MYO19: variants seen among roughly 807,000 people sequenced by gnomAD.
MYO19 encodes myosin XIX, also known as unconventional myosin-XIX.
A neutral mutation model predicts 129.2 loss-of-function variants in MYO19; 132 were observed. That is an observed-to-expected ratio of 1.02 (90% CI 0.89 to 1.18). MYO19 has a LOEUF of 1.18. Among genes scored for constraint, MYO19 ranks in the 50% most tolerant of loss-of-function variants. The pLI is 0.00. For synonymous variants in MYO19, 531 were observed against 477.2 expected, an observed-to-expected ratio of 1.11 and a Z score of -1.47; for missense variants, 1,210 against 1,216.7, an observed-to-expected ratio of 0.99 and a Z score of 0.08.
At chr17:36,542,486 T>C (rs2074202236) in intron 1 of MYO19, among the ~76,000 whole-genome samples, 1 of 151,870 alleles carries the variant, frequency 6.6e-6, no homozygotes, top group Non-Finnish European at 1.5e-5. Flanking sequence ...GATCAAGAGG[T>C]CAGGAGATCA....
intron 9 of MYO19, among the ~76,000 whole-genome samples, 152 bp downstream of exon 9, chr17:36,514,294 G>T (rs1347601440): frequency 3.9e-5 from 6 of 152,224 alleles, no homozygotes; most frequent in African/African-American, 1.4e-4. Flanking sequence ...AGGCAGAAGT[G>T]CTGCATGTAA....
intron 14 of MYO19, chr17:36,508,221 C>G (rs879657376): frequency 1.0e-4 from 27 of 264,004 alleles, no homozygotes; most frequent in Non-Finnish European, 1.4e-4. Flanking sequence ...TTCTCTGGTT[C>G]TGATAGGCAC....
At chr17:36,538,484 G>T (rs1261088858), upstream of MYO19, 3 of 1,613,980 alleles carry the variant, frequency 1.9e-6, no homozygotes, top group Non-Finnish European at 2.5e-6. Flanking sequence ...CAACTGGCCT[G>T]ATCAACCTGA....
intron 23 of MYO19, 199 bp from the exon 24 acceptor site, chr17:36,499,359 C>G (rs1444154006): frequency 1.4e-5 from 6 of 421,946 alleles, no homozygotes; most frequent in Non-Finnish European, 2.3e-5. Context: ...ACTGCCCACA[C>G]ACTTGAATAC....
chr17:36,516,521 C>T (rs901308794), intron 6 of MYO19, among the ~76,000 whole-genome samples: 2 of 152,154 alleles, frequency 1.3e-5, no homozygotes, highest in Non-Finnish European at 2.9e-5. Context: ...CAGGCGCACG[C>T]CACCACGCCT....
chr17:36,503,876 G>A, intron 20 of MYO19, 74 bp downstream of exon 20: 1 of 1,256,180 alleles, frequency 8.0e-7, no homozygotes, highest in African/African-American at 1.5e-5. Context: ...GGGTTGGGCA[G>A]GCTCTTGCCC....
intron 9 of MYO19, among the ~76,000 whole-genome samples, chr17:36,514,213 C>G (rs892363872): frequency 6.6e-6 from 1 of 152,164 alleles, no homozygotes; most frequent in African/African-American, 2.4e-5. Context: ...CCTCAAGGAC[C>G]TTCTGGTCTG....
chr17:36,511,365 A>T lies in MYO19; in HGVS notation c.985T>A (p.Tyr329Asn). 1 of 1,572,924 alleles carries T rather than the reference A, an allele frequency of 6.4e-7. No homozygotes were observed. The highest frequency in any genetic ancestry group is 8.6e-7 in the Non-Finnish European group (1 of 1,159,102). Reference protein sequence around the residue: ...QPCQPMDDAKYSVRTAASLLG... With the variant: ...QPCQPMDDAKNSVRTAASLLG... The stretch of plus-strand genomic sequence containing the variant: ...CCCCATCCTACACCCTGACCCTCAC[A>T]CTTGGCATCATCCATCGGCTGGCAG... Residue 329 changes from tyrosine (Y) to asparagine (N), a missense_variant and splice_region_variant, in exon 12 of 26, where the codon TAC becomes AAC. By Grantham distance (143) the Tyr-to-Asn change is moderately radical. Transcript: ENST00000614623.
At position 36,505,206 on chromosome 17, in the gene MYO19, C is replaced by A. The variant is rs539226011; in HGVS notation, c.1905+91G>T. The A allele has an allele frequency of 1.8e-5, 21 of 1,158,850 alleles. 1 individual carries two copies. The East Asian group carries it at 4.4e-4, about 24-fold the overall frequency. The allele number at this position is 1,158,850 out of a possible 1,614,324, so 71.8% of individuals were successfully genotyped here. ...GCCGGAGAGACCACTTCTGTGCACT[C>A]CATTTGGAACAGATGTCCTGCCCTT... On this transcript the variant is annotated intron_variant, in intron 19 of 25. Coordinates refer to ENST00000614623, the MANE Select transcript of MYO19 (RefSeq NM_001163735.2).
rs542849337 is a variant in MYO19, at chr17:36,512,925, C to A, written c.894+504G>T. 38 of 895,950 alleles carry A rather than the reference C, an allele frequency of 4.2e-5. No homozygotes were observed. In the African/African-American group the frequency reaches 6.5e-4, roughly 15 times the overall value. The allele number at this position is 895,950 out of a possible 1,614,324, so 55.5% of individuals were successfully genotyped here. ...CGACGGGGCACGGGTTGGGGGAAGA[C>A]AGAGAGGGTAGGAACTTGGAATTAC... is the stretch of plus-strand genomic sequence containing the variant. On this transcript the variant is annotated intron_variant, in intron 11 of 25. Coordinates refer to ENST00000614623, the MANE Select transcript of MYO19 (RefSeq NM_001163735.2).
chr17:36,502,372 C>T (rs1287657872), intron 21 of MYO19, among the ~76,000 whole-genome samples: 1 of 152,194 alleles, frequency 6.6e-6, no homozygotes, highest in Non-Finnish European at 1.5e-5. Flanking sequence ...CCCTGAACCT[C>T]TTTTCCTCTT....
At chr17:36,504,165 G>A in intron 19 of MYO19, 145 bp from the exon 20 acceptor site, 2 of 557,900 alleles carry the variant, frequency 3.6e-6, no homozygotes, top group Admixed American at 3.7e-5. Flanking sequence ...GTATCTCCTT[G>A]GGGCTGTGAG....
rs1345974119 is a variant in MYO19 at position 36,514,486 on chromosome 17, C to G, written c.680G>C (p.Cys227Ser). 6.8e-6 allele frequency: 11 copies of G among 1,613,636 alleles called. No individual in the cohort carries two copies. The highest frequency in any genetic ancestry group is 9.3e-6 in the Non-Finnish European group (11 of 1,179,682). The part of the protein sequence containing the change: ...TYLLEKTRVA[C>S]QASSERNFHI... ...GAAGTTCCTCTCACTGGAAGCCTGG[C>G]AGGCCACTCGAGTTTTCTCTAGGAG... The change falls in exon 9 of 26, where the codon TGC becomes TCC. Residue 227 changes from cysteine (C) to serine (S), a missense_variant. Cys to Ser is a moderately radical substitution (Grantham distance 112). Coordinates refer to ENST00000614623, the MANE Select transcript of MYO19 (RefSeq NM_001163735.2).
chr17:36,531,394 C>CAAAAAA (rs587678549), intron 3 of MYO19, among the ~76,000 whole-genome samples: 1 of 56,726 alleles, frequency 1.8e-5, no homozygotes. Context: ...GACTCCATCT[C>CAAAAAA]AAAAAAAAAA....
Position 36,528,335 on chromosome 17 carries a change from C to T in MYO19, c.13-133G>A, listed in dbSNP as rs560501998. On this transcript the variant is annotated intron_variant, in intron 3 of 25. Transcript: ENST00000614623. ...CATCCTGGTTAACACGGTGAAACCC[C>T]GTCTCTACTAAAAAAAATTCAAAAA... 8.8e-5 allele frequency: 82 copies of T among 927,758 alleles called. 1 individual carries two copies. In the South Asian group the frequency reaches 9.0e-4, roughly 10 times the overall value. The allele number at this position is 927,758 out of a possible 1,614,324, so 57.5% of individuals were successfully genotyped here. A position where few individuals can be genotyped will look rare whatever the true frequency, so the allele number is the denominator to read the frequency against.
intron 13 of MYO19, chr17:36,509,998 T>C (rs931201263): frequency 1.3e-5 from 2 of 152,254 alleles, no homozygotes; most frequent in Admixed American, 6.5e-5. Flanking sequence ...ACTCGGACGA[T>C]CTGGTTCCCC....
chr17:36,514,392 A>G, intron 9 of MYO19, 54 bp downstream of exon 9: 2 of 1,206,576 alleles, frequency 1.7e-6, no homozygotes, highest in Non-Finnish European at 2.5e-6. Flanking sequence ...GTTGAAAAAC[A>G]CGGACCCATC....
rs2071346235 is a variant in MYO19 at position 36,499,664 on chromosome 17, C to CTTTTTTCTTTTTTT, written c.2378-505_2378-504insAAAAAAAGAAAAAA. ...CAGCATATTCTTTTTCTTTTTGTTT[C>CTTTTTTCTTTTTTT]TTTTTTTTTTTTTTTTTTTTTTTTT... On this transcript the variant is annotated intron_variant, in intron 23 of 25. Transcript: ENST00000614623. The CTTTTTTCTTTTTTT allele has an allele frequency of 7.0e-4, 44 of 62,638 alleles. 2 individuals are homozygous for CTTTTTTCTTTTTTT. Among genetic ancestry groups the CTTTTTTCTTTTTTT allele is most frequent in the African/African-American group, 1.2e-3 (17 of 14,726 alleles). The allele number at this position is 62,638 out of a possible 1,614,324, so 3.9% of individuals were successfully genotyped here.
chr17:36,525,359 G>C lies in MYO19; in HGVS notation c.301-18C>G. 6.4e-7 allele frequency: 1 copy of C among 1,558,636 alleles called. No individual in the cohort carries two copies. Among genetic ancestry groups the C allele is most frequent in the Non-Finnish European group, 8.8e-7 (1 of 1,130,448 alleles). ...TTCAGTTTCTGGAACATCAAGGAGT[G>C]AAAGGTCATGTGAGGGAATGCCTGT... On this transcript the variant is annotated intron_variant, in intron 5 of 25. Transcript: ENST00000614623.
Sources: gnomAD v4.1 joint callset for allele counts (sites outside exome capture counted in the v4.1 genomes callset) on GRCh38, gnomAD v4.1.1 for gene constraint, MANE v1.5 for transcripts, NCBI Gene and HGNC (gene_info 2026-07-23, HGNC 2026-07-21) for gene names.